RSL1D1: variants seen among roughly 807,000 people sequenced by gnomAD.
RSL1D1 encodes ribosomal L1 domain-containing protein 1.
Under a neutral mutation model 44.6 loss-of-function variants are expected in RSL1D1, and 34 were observed. That is an observed-to-expected ratio of 0.76 (90% CI 0.58 to 1.02). The LOEUF (loss-of-function observed/expected upper bound fraction) is 1.02, where lower values mean the gene tolerates loss of function less well. Among genes scored for constraint, RSL1D1 ranks in the 50% least tolerant of loss-of-function variants. The probability of loss-of-function intolerance (pLI) is 0.00; values close to 1 mark genes in which losing one functional copy is unlikely to be tolerated. For synonymous variants in RSL1D1, 271 were observed against 207.4 expected (o/e 1.31, Z -2.63); for missense variants, 767 against 568.1 (o/e 1.35, Z -3.56).
At chr16:11,842,496 C>T (rs577508375) in intron 5 of RSL1D1, among the ~76,000 whole-genome samples, 16 of 151,234 alleles carry the variant, frequency 1.1e-4, no homozygotes, top group Non-Finnish European at 1.8e-4. Context: ...ACTCAGCCTC[C>T]GGAGTAGCTG....
intron 3 of RSL1D1, chr16:11,847,465 G>A (rs1349700521): frequency 2.0e-6 from 1 of 505,194 alleles, no homozygotes; most frequent in African/African-American, 2.0e-5. Context: ...ACAAGATGCT[G>A]TGGAAGTACA....
At position 11,838,127 on chromosome 16, in the gene RSL1D1, A is replaced by G. The variant is rs996177906; in HGVS notation, c.1147-14T>C. The G allele has an allele frequency of 1.9e-6, 3 of 1,555,022 alleles. No individual in the cohort carries two copies. The highest frequency in any genetic ancestry group is 2.6e-6 in the Non-Finnish European group (3 of 1,156,482). ...ATGTTTTTGAATCTAAGAAAAAAAA[A>G]AGTAAGTTTAATATAGAAAAAGCCA... On this transcript the variant is annotated splice_polypyrimidine_tract_variant and intron_variant, in intron 8 of 8. Coordinates refer to ENST00000571133, the MANE Select transcript of RSL1D1 (RefSeq NM_015659.3).
chr16:11,842,042 T>C (rs1596439718), intron 5 of RSL1D1, 42 bp from the exon 6 acceptor site: 2 of 1,408,402 alleles, frequency 1.4e-6, no homozygotes, highest in Non-Finnish European at 2.0e-6. Context: ...TAAAAAACCA[T>C]TTTTCAAAAT....
At position 11,841,957 on chromosome 16, in the gene RSL1D1, T is replaced by C. The variant is rs1427121759; in HGVS notation, c.679A>G (p.Ile227Val). The C allele has an allele frequency of 1.2e-6, 2 of 1,614,118 alleles. No individual in the cohort carries two copies. The highest frequency in any genetic ancestry group is 1.7e-5 in the Admixed American group (1 of 60,018). The change falls in exon 6 of 9, where the codon ATT becomes GTT. Residue 227 changes from isoleucine to valine, a missense_variant. By Grantham distance (29) the Ile-to-Val change is conservative. Transcript: ENST00000571133. ...GHVGMQIEHI[I>V]ENIVAVTKGL... ...TTGGTGACAGCAACAATGTTTTCAA[T>C]GATGTGCTCAATTTGCATTCCAACG...
At chr16:11,838,185 GT>G in intron 8 of RSL1D1, 72 bp from the exon 9 acceptor site, 1 of 1,202,166 alleles carries the variant, frequency 8.3e-7, no homozygotes, top group Non-Finnish European at 1.2e-6. Context: ...AGGAGTTACT[GT>G]TTTTATTTGT....
intron 5 of RSL1D1, among the ~76,000 whole-genome samples, chr16:11,844,989 C>T (rs2053787634): frequency 6.6e-6 from 1 of 152,166 alleles, no homozygotes; most frequent in African/African-American, 2.4e-5. Flanking sequence ...GTAGGTAAGA[C>T]TAGGTGTGGG....
At chr16:11,844,636 C>G (rs981374467) in intron 5 of RSL1D1, among the ~76,000 whole-genome samples, 11 of 152,306 alleles carry the variant, frequency 7.2e-5, no homozygotes, top group African/African-American at 2.6e-4. Flanking sequence ...AGACACTCCC[C>G]TGGGGTCAGG....
At chr16:11,847,573 G>T (rs976696274) in intron 3 of RSL1D1, 95 bp downstream of exon 3, 14 of 1,083,654 alleles carry the variant, frequency 1.3e-5, no homozygotes, top group Non-Finnish European at 1.9e-5. Context: ...AAAAGTAGAA[G>T]AAAAATACTA....
intron 5 of RSL1D1, among the ~76,000 whole-genome samples, chr16:11,844,548 G>A (rs895943623): frequency 5.9e-5 from 9 of 152,296 alleles, no homozygotes; most frequent in Non-Finnish European, 1.3e-4. Context: ...CCTGATGAAG[G>A]GATTCCCAGC....
rs918053917 is a variant in RSL1D1 at position 11,837,118 on chromosome 16, T to C, written c.*669A>G. ...CCTCGTGAGGAGCTGGGAGCACAGA[T>C]GCATGCCACCATGCCACACTAATTT... is the stretch of plus-strand genomic sequence containing the variant. On this transcript the variant is annotated 3_prime_UTR_variant, in exon 9 of 9. Transcript: ENST00000571133. 6.6e-6 allele frequency: 1 copy of C among 152,082 alleles called. No homozygotes were observed. The highest frequency in any genetic ancestry group is 1.5e-5 in the Non-Finnish European group (1 of 68,050). 9.4% of individuals were successfully genotyped at this position (152,082 alleles called of 1,614,324 possible).
intron 5 of RSL1D1, among the ~76,000 whole-genome samples, chr16:11,846,017 G>A (rs1433787227): frequency 6.6e-6 from 1 of 151,594 alleles, no homozygotes; most frequent in Non-Finnish European, 1.5e-5. Flanking sequence ...ACAGGCATAA[G>A]CCACTGCACC....
rs780538952 is a variant in RSL1D1, at chr16:11,834,674, T to A, written c.*3113A>T. 6.6e-5 allele frequency: 10 copies of A among 152,224 alleles called. No homozygotes were observed. Among genetic ancestry groups the A allele is most frequent in the Non-Finnish European group, 1.3e-4 (9 of 68,040 alleles). The allele number at this position is 152,224 out of a possible 1,614,324, so 9.4% of individuals were successfully genotyped here. On this transcript the variant is annotated 3_prime_UTR_variant, in exon 9 of 9. Transcript: ENST00000571133. ...ATCTTCCCATAAAACCTAGTTTCTA[T>A]GGAAAACAATCAATTAAGCTAAACC...
chr16:11,850,444 A>C, intron 1 of RSL1D1, 26 bp from the exon 2 acceptor site: 2 of 1,583,984 alleles, frequency 1.3e-6, no homozygotes, highest in Non-Finnish European at 1.7e-6. Context: ...TAGACAAATA[A>C]GTGAAATGTT....
At chr16:11,850,208 G>A (rs1011777891) in intron 2 of RSL1D1, 71 bp downstream of exon 2, 1 of 1,396,666 alleles carries the variant, frequency 7.2e-7, no homozygotes, top group African/African-American at 1.5e-5. Context: ...TAGTAACCAT[G>A]ATGCAATTGT....
intron 5 of RSL1D1, among the ~76,000 whole-genome samples, chr16:11,843,433 C>A (rs959574126): frequency 1.3e-5 from 2 of 151,932 alleles, no homozygotes; most frequent in African/African-American, 4.8e-5. Flanking sequence ...GGAGGCAGGG[C>A]CAGAGGAGGT....
rs1216688363 is a variant in RSL1D1, at chr16:11,837,731, T to C, written c.*56A>G. On this transcript the variant is annotated 3_prime_UTR_variant, in exon 9 of 9. Coordinates refer to ENST00000571133, the MANE Select transcript of RSL1D1 (RefSeq NM_015659.3). ...TACAAAGGCGGCCAGGATCTGAGTA[T>C]TTCCAAAAAGCTCTGGAGGCAGCAT... 2 of 1,458,648 alleles carry C rather than the reference T, an allele frequency of 1.4e-6. No homozygotes were observed. The highest frequency in any genetic ancestry group is 1.9e-6 in the Non-Finnish European group (2 of 1,070,874). The allele number at this position is 1,458,648 out of a possible 1,614,324, so 90.4% of individuals were successfully genotyped here.
Position 11,846,859 on chromosome 16 carries a change from A to C in RSL1D1, c.385-16T>G. 1 of 1,574,994 alleles carries C rather than the reference A, an allele frequency of 6.3e-7. No individual in the cohort carries two copies. Among genetic ancestry groups the C allele is most frequent in the Non-Finnish European group, 8.7e-7 (1 of 1,152,804 alleles). Reference sequence around the variant, plus strand: ...GGGAGATAATCTAGGAAGTATAGAGAAGAATAAAAACAAGAAGTTAGGAAT... The same window carrying C: ...GGGAGATAATCTAGGAAGTATAGAGCAGAATAAAAACAAGAAGTTAGGAAT... On this transcript the variant is annotated splice_polypyrimidine_tract_variant and intron_variant, in intron 3 of 8. Coordinates refer to ENST00000571133, the MANE Select transcript of RSL1D1 (RefSeq NM_015659.3).
rs2141248714 is a variant in RSL1D1, at chr16:11,835,552, A to C, written c.*2235T>G. ...TCTGTTGCCCAGGCTGGAGTGCAGG[A>C]TCGTGATCATGGCCCATTGCAGCCT... On this transcript the variant is annotated 3_prime_UTR_variant, in exon 9 of 9. Coordinates refer to ENST00000571133, the MANE Select transcript of RSL1D1 (RefSeq NM_015659.3). 6.6e-6 allele frequency: 1 copy of C among 151,950 alleles called. No individual in the cohort carries two copies. The highest frequency in any genetic ancestry group is 1.9e-4 in the East Asian group (1 of 5,130). The allele number at this position is 151,950 out of a possible 1,614,324, so 9.4% of individuals were successfully genotyped here. A position where few individuals can be genotyped will look rare whatever the true frequency, so the allele number is the denominator to read the frequency against.
At chr16:11,845,481 T>C (rs750755116) in intron 5 of RSL1D1, among the ~76,000 whole-genome samples, 32 of 152,204 alleles carry the variant, frequency 2.1e-4, no homozygotes, top group Non-Finnish European at 4.4e-4. Flanking sequence ...CAAGCATTCA[T>C]CTTACTCTCC....
Sources: allele counts gnomAD v4.1 joint callset (sites outside exome capture counted in the v4.1 genomes callset), GRCh38; gene constraint gnomAD v4.1.1; transcripts MANE v1.5; gene names NCBI Gene and HGNC (gene_info 2026-07-23, HGNC 2026-07-21).